FLNC: variants seen among roughly 807,000 people sequenced by gnomAD.
FLNC encodes the protein filamin C, also known as filamin-C.
Under a neutral mutation model 254.3 loss-of-function variants are expected in FLNC, and 91 were observed. The ratio of observed to expected loss-of-function variants is 0.36; its 90% CI spans 0.30 to 0.43. The LOEUF is 0.43. FLNC is among the 20% of genes least tolerant of loss of function. FLNC has a pLI of 1.00. For synonymous variants in FLNC, 1,430 were observed against 1,577.2 expected, an observed-to-expected ratio of 0.91 and a Z score of 2.21; for missense variants, 2,853 against 3,802.6, an observed-to-expected ratio of 0.75 and a Z score of 6.57.
At position 128,837,673 on chromosome 7, in the gene FLNC, C is replaced by T. The variant is rs2128934235; in HGVS notation, c.887C>T (p.Ala296Val). Reference protein sequence around the residue: ...EPQGNTVLQPAHFTVQTVDAG... With the variant: ...EPQGNTVLQPVHFTVQTVDAG... ...CAGGGCAACACCGTGCTGCAGCCTG[C>T]CCACTTCACCGTGCAGACGGTGGAC... The change falls in exon 5 of 48, where the codon GCC becomes GTC. Residue 296 changes from alanine (A) to valine (V), a missense_variant. Physicochemically the swap from Ala to Val is moderately conservative, Grantham distance 64 (BLOSUM62 0). Coordinates refer to ENST00000325888, the MANE Select transcript of FLNC (RefSeq NM_001458.5). 1 of 1,612,148 alleles carries T rather than the reference C, an allele frequency of 6.2e-7. No homozygotes were observed.
In FLNC at chr7:128,853,205, A is replaced by G. The variant is rs188260164; in HGVS notation, c.6208+174A>G. 4.6e-5 allele frequency: 34 copies of G among 731,928 alleles called. 1 individual carries two copies. The highest frequency in any genetic ancestry group is 7.6e-5 in the Non-Finnish European group (32 of 418,930). 45.3% of individuals were successfully genotyped at this position (731,928 alleles called of 1,614,324 possible). A position where few individuals can be genotyped will look rare whatever the true frequency, so the allele number is the denominator to read the frequency against. On this transcript the variant is annotated intron_variant, in intron 37 of 47. Coordinates refer to ENST00000325888, the MANE Select transcript of FLNC (RefSeq NM_001458.5). ...GCGGGAAAGTGAATGGCCCCGCATCAGTTCTCTCCCTTTTAAGAGAAAGCT... is the reference window on the plus strand; with the variant it reads ...GCGGGAAAGTGAATGGCCCCGCATCGGTTCTCTCCCTTTTAAGAGAAAGCT...
In FLNC at chr7:128,842,968, T is replaced by A. The variant is rs1330828166; in HGVS notation, c.2550+14T>A. ...TTTGCCAACCAGGTACCTAAGCTCC[T>A]GGGTACTCACAGCGACATGCACCTG... On this transcript the variant is annotated intron_variant, in intron 16 of 47. Coordinates refer to ENST00000325888, the MANE Select transcript of FLNC (RefSeq NM_001458.5). The surrounding 1 kb of genome is among the most constrained non-coding windows in gnomAD (Gnocchi z 5.4). 1 of 1,613,528 alleles carries A rather than the reference T, an allele frequency of 6.2e-7. No homozygotes were observed. The highest frequency in any genetic ancestry group is 8.5e-7 in the Non-Finnish European group (1 of 1,179,896).
At position 128,843,867 on chromosome 7, in the gene FLNC, AC is replaced by A. The variant is rs764460165; in HGVS notation, c.2888del (p.Pro963ArgfsTer26). On this transcript the variant is annotated frameshift_variant, in exon 19 of 48. Transcript: ENST00000325888. LOFTEE classifies it high-confidence loss of function. ...AGAGCCCCTTTGTGGTGAATGTGGC[AC>A]CCCCGCTGGACCTCAGCAAAATCAA... is the stretch of plus-strand genomic sequence containing the variant. ...PKSPFVVNVA[P>X]PLDLSKIKVQ... 1 of 1,613,900 alleles carries A rather than the reference AC, an allele frequency of 6.2e-7. No individual in the cohort carries two copies. Among genetic ancestry groups the A allele is most frequent in the South Asian group, 1.1e-5 (1 of 91,070 alleles).
Position 128,848,585 on chromosome 7 carries a change from A to T in FLNC, c.4605A>T (p.Pro1535=), listed in dbSNP as rs1017137913. ...PRSPFKIKVL[P]AHDASKVRAS... is the part of the protein sequence containing the mutation. ...GCCCCTTCAAGATCAAGGTCCTCCC[A>T]GCTCATGATGCCAGCAAGGTGCGGG... is the stretch of plus-strand genomic sequence containing the variant. The change falls in exon 27 of 48, where the codon CCA becomes CCT. Residue 1535 remains proline, a synonymous_variant. Transcript: ENST00000325888. The T allele has an allele frequency of 6.2e-7, 1 of 1,614,006 alleles. No homozygotes were observed. The highest frequency in any genetic ancestry group is 1.7e-5 in the Admixed American group (1 of 60,028).
At chr7:128,843,185 T>A in intron 16 of FLNC, 44 bp from the exon 17 acceptor site, 1 of 1,515,126 alleles carries the variant, frequency 6.6e-7, no homozygotes, top group Non-Finnish European at 9.0e-7. Flanking sequence ...AGAGCAGGGG[T>A]GTGTTCCCCT....
chr7:128,851,230 AG>A lies in FLNC; in HGVS notation c.5541del. ...CAGCCCCCTTTTTCTCTGTATCCCC[AG>A]GGAGCCCCTTACAGTTCTATGTGGA... On this transcript the variant is annotated splice_acceptor_variant, in intron 33 of 47. Coordinates refer to ENST00000325888, the MANE Select transcript of FLNC (RefSeq NM_001458.5). LOFTEE classifies it high-confidence loss of function. 6.2e-7 allele frequency: 1 copy of A among 1,613,994 alleles called. No homozygotes were observed. The highest frequency in any genetic ancestry group is 8.5e-7 in the Non-Finnish European group (1 of 1,180,002).
At chr7:128,838,872 A>G in intron 8 of FLNC, 69 bp downstream of exon 8, 1 of 1,474,592 alleles carries the variant, frequency 6.8e-7, no homozygotes, top group Non-Finnish European at 9.4e-7. Context: ...GGCAGGAGGA[A>G]GAGCTGGGGC....
In FLNC at chr7:128,841,066, G is replaced by A. The variant is rs1808311854; in HGVS notation, c.1813+96G>A. The A allele has an allele frequency of 6.4e-7, 1 of 1,567,822 alleles. No individual in the cohort carries two copies. The highest frequency in any genetic ancestry group is 1.1e-5 in the South Asian group (1 of 89,402). ...TGCAGTGCGCATGCTGGGGAGCGCT[G>A]GGGTGAGCAGGGAGATAGGACATGA... is the stretch of plus-strand genomic sequence containing the variant. On this transcript the variant is annotated intron_variant, in intron 11 of 47. Coordinates refer to ENST00000325888, the MANE Select transcript of FLNC (RefSeq NM_001458.5). This position sits in a 1 kb window ranked among gnomAD's most constrained non-coding sequence, Gnocchi z 4.3.
In FLNC at chr7:128,856,675, C is replaced by T. The variant is rs1304358390; in HGVS notation, c.7384+25C>T. ...GGTGAGCTGGCCCTGCCCCTGCCAA[C>T]TCCCTTCCGGGCTGGGGCCTTCTGG... On this transcript the variant is annotated intron_variant, in intron 44 of 47. Transcript: ENST00000325888. This position sits in a 1 kb window ranked among gnomAD's most constrained non-coding sequence, Gnocchi z 5.9. 6.2e-7 allele frequency: 1 copy of T among 1,613,786 alleles called. No homozygotes were observed. Among genetic ancestry groups the T allele is most frequent in the Admixed American group, 1.7e-5 (1 of 60,028 alleles).
rs776699786 is a variant in FLNC, at chr7:128,848,874, A to G, written c.4819A>G (p.Ser1607Gly). 15 of 1,613,978 alleles carry G rather than the reference A, an allele frequency of 9.3e-6. No individual in the cohort carries two copies. In the South Asian group the frequency reaches 1.6e-4, roughly 18 times the overall value. ...TYTVSYLPDM[S>G]GRYTITIKYG... ...CACTGTGTCCTACCTGCCGGACATG[A>G]GTGGCCGGTACACCATCACCATCAA... is the stretch of plus-strand genomic sequence containing the variant. The change falls in exon 28 of 48, where the codon AGT (serine) becomes GGT (glycine). Residue 1607 changes from serine to glycine, a missense_variant. Ser to Gly is a moderately conservative substitution (Grantham distance 56). Around this residue, in one of 10 missense-constraint regions of FLNC, gnomAD observed 1,573 missense variants for 1,883.5 expected, o/e 0.84. Transcript: ENST00000325888.
rs199750173 is a variant in FLNC at position 128,852,979 on chromosome 7, C to T, written c.6156C>T (p.Ser2052=). ...TGCGGGTCTGGGGCAAGGGGCTTTC[C>T]GAGGGACACACATTCCAGGTGGCAG... ...SKVRVWGKGL[S]EGHTFQVAEF... is the part of the protein sequence containing the mutation. Residue 2052 remains serine, a synonymous_variant, in exon 37 of 48, where the codon TCC becomes TCT. Coordinates refer to ENST00000325888, the MANE Select transcript of FLNC (RefSeq NM_001458.5). 9.3e-6 allele frequency: 15 copies of T among 1,613,462 alleles called. No homozygotes were observed. The highest frequency in any genetic ancestry group is 6.7e-5 in the Admixed American group (4 of 60,030).
intron 42 of FLNC, 92 bp from the exon 43 acceptor site, chr7:128,855,106 AC>A: frequency 9.1e-7 from 1 of 1,100,562 alleles, no homozygotes; most frequent in Non-Finnish European, 1.4e-6. Context: ...AGCGCTGACC[AC>A]AGAGCCTTTC....
rs1012086057 is a variant in FLNC at position 128,848,044 on chromosome 7, A to G, written c.4556A>G (p.Tyr1519Cys). The G allele has an allele frequency of 1.1e-5, 17 of 1,606,494 alleles. No individual in the cohort carries two copies. In the Admixed American group the frequency reaches 1.9e-4, roughly 18 times the overall value. The change falls in exon 26 of 48, where the codon TAT (tyrosine) becomes TGT (cysteine). Residue 1519 changes from tyrosine (Y) to cysteine (C), a missense_variant. Transcript: ENST00000325888. The part of the protein sequence containing the change: ...TDGPYTVAVK[Y>C]ADQEVPRSPF... ...GGGCCCTACACGGTAGCCGTCAAGT[A>G]TGCTGACCAGGAGGTGCCACGCAGG...
Position 128,837,761 on chromosome 7 carries a change from C to G in FLNC, c.969+6C>G. 6.4e-7 allele frequency: 1 copy of G among 1,566,114 alleles called. No individual in the cohort carries two copies. On this transcript the variant is annotated splice_donor_region_variant and intron_variant, in intron 5 of 47. Coordinates refer to ENST00000325888, the MANE Select transcript of FLNC (RefSeq NM_001458.5). ...CTGAAGGCCACACCGAGGAGGTATG[C>G]AGAGGCCGCTGGGGACAGAGGGATT...
chr7:128,856,652 T>A lies in FLNC; in HGVS notation c.7384+2T>A, dbSNP rs112941619. 6.2e-7 allele frequency: 1 copy of A among 1,613,184 alleles called. No homozygotes were observed. Among genetic ancestry groups the A allele is most frequent in the Non-Finnish European group, 8.5e-7 (1 of 1,179,974 alleles). On this transcript the variant is annotated splice_donor_variant, in intron 44 of 47. Coordinates refer to ENST00000325888, the MANE Select transcript of FLNC (RefSeq NM_001458.5). LOFTEE classifies it high-confidence loss of function. This position sits in a 1 kb window ranked among gnomAD's most constrained non-coding sequence, Gnocchi z 5.9. ...GCTACGTCTCTGAGCTGGACAGTGG[T>A]GAGCTGGCCCTGCCCCTGCCAACTC...
rs200301727 is a variant in FLNC at position 128,854,719 on chromosome 7, G to C, written c.6997+37G>C. Reference sequence around the variant, plus strand: ...GTGGCCAGGAGTGGGGATGAAGTCAGGGCAGCCAGTGTGAGGGGCGATGAT... The same window carrying C: ...GTGGCCAGGAGTGGGGATGAAGTCACGGCAGCCAGTGTGAGGGGCGATGAT... On this transcript the variant is annotated intron_variant, in intron 41 of 47. Coordinates refer to ENST00000325888, the MANE Select transcript of FLNC (RefSeq NM_001458.5). 222 of 1,613,066 alleles carry C rather than the reference G, an allele frequency of 1.4e-4. No homozygotes were observed. The East Asian group carries it at 3.6e-3, about 26-fold the overall frequency.
In FLNC at chr7:128,857,156, G is replaced by A. The variant is rs372504725; in HGVS notation, c.7600G>A (p.Gly2534Ser). 1.2e-6 allele frequency: 2 copies of A among 1,614,080 alleles called. No individual in the cohort carries two copies. Among genetic ancestry groups the A allele is most frequent in the Non-Finnish European group, 1.7e-6 (2 of 1,180,014 alleles). ...SEFIVNTLNA[G>S]SGALSVTIDG... ...GTTCATCGTGAACACCCTGAATGCC[G>A]GCTCGGGGGCCTTGTCTGTCACCAT... Residue 2534 changes from glycine to serine, a missense_variant, in exon 46 of 48, where the codon GGC becomes AGC. This residue lies in a region of FLNC where 197 missense variants were observed against 351.5 expected (regional missense o/e 0.56). Coordinates refer to ENST00000325888, the MANE Select transcript of FLNC (RefSeq NM_001458.5). The surrounding 1 kb of genome is among the most constrained non-coding windows in gnomAD (Gnocchi z 4.5).
chr7:128,837,067 G>T, intron 2 of FLNC, 93 bp from the exon 3 acceptor site: 1 of 899,000 alleles, frequency 1.1e-6, no homozygotes, highest in Admixed American at 2.0e-5. Flanking sequence ...GGGGTGTAAA[G>T]CCACAGCCTC....
intron 8 of FLNC, 22 bp from the exon 9 acceptor site, chr7:128,840,001 C>A: frequency 6.2e-7 from 1 of 1,610,482 alleles, no homozygotes; most frequent in African/African-American, 1.3e-5. Context: ...CACCCCCAAC[C>A]TCCTTTCTCT....
Sources: gnomAD v4.1 joint callset for allele counts on GRCh38, gnomAD v4.1.1 for gene constraint, gnomAD v4.1.1 regional missense constraint, Gnocchi (gnomAD v3.1) non-coding constraint, MANE v1.5 for transcripts, NCBI Gene and HGNC (gene_info 2026-07-23, HGNC 2026-07-21) for gene names.